RASEF: variants seen among roughly 807,000 people sequenced by gnomAD.
The protein encoded by RASEF is RAS and EF-hand domain containing, also known as ras and EF-hand domain-containing protein.
In RASEF, 68 loss-of-function variants were observed where a neutral mutation model predicts 90.1. That is an observed-to-expected ratio of 0.75 (90% CI 0.62 to 0.92). RASEF has a LOEUF of 0.92. Ranked by LOEUF, RASEF falls within the 40% of genes least tolerant of loss-of-function variation. The pLI is 0.00. For missense variants in RASEF, 949 were observed against 937.2 expected (o/e 1.01, Z -0.16); for synonymous variants, 331 against 345.2 (o/e 0.96, Z 0.46).
At chr9:83,086,393 T>C in the RASEF span, among the ~76,000 whole-genome samples, 2 of 152,212 alleles carry the variant, frequency 1.3e-5, no homozygotes, top group Admixed American at 6.5e-5. Flanking sequence ...AGGTCATCAA[T>C]GTCCTATTCA....
the RASEF span, among the ~76,000 whole-genome samples, chr9:83,170,674 A>G: frequency 6.6e-6 from 1 of 151,656 alleles, no homozygotes; most frequent in Non-Finnish European, 1.5e-5. Flanking sequence ...TTTGGTAGCT[A>G]TTGTACAATA....
At chr9:83,106,260 ATC>A in the RASEF span, among the ~76,000 whole-genome samples, 1 of 152,170 alleles carries the variant, frequency 6.6e-6, no homozygotes, top group Non-Finnish European at 1.5e-5. Flanking sequence ...ACTTGCCCGT[ATC>A]TCTCTGTTTA....
intron 9 of RASEF, 72 bp from the exon 10 acceptor site, chr9:83,001,202 A>G (rs1829033200): frequency 9.8e-6 from 10 of 1,023,432 alleles, no homozygotes; most frequent in Non-Finnish European, 1.3e-5. Flanking sequence ...AATAGACCAC[A>G]TGCCATTAGA....
At chr9:83,099,307 A>G in the RASEF span, among the ~76,000 whole-genome samples, 2 of 152,166 alleles carry the variant, frequency 1.3e-5, no homozygotes, top group African/African-American at 4.8e-5. Context: ...TTTTTCTTCC[A>G]TGATGACTCT....
At chr9:83,100,482 C>T in the RASEF span, among the ~76,000 whole-genome samples, 1 of 152,184 alleles carries the variant, frequency 6.6e-6, no homozygotes, top group Non-Finnish European at 1.5e-5. Flanking sequence ...GCCAGAAATA[C>T]TCTCCACTCT....
chr9:83,177,053 A>G, the RASEF span, among the ~76,000 whole-genome samples: 1 of 152,018 alleles, frequency 6.6e-6, no homozygotes, highest in Non-Finnish European at 1.5e-5. Flanking sequence ...CTGTGCTTTT[A>G]TTAGTAAACA....
At chr9:83,190,816 C>G in the RASEF span, among the ~76,000 whole-genome samples, 2 of 150,506 alleles carry the variant, frequency 1.3e-5, no homozygotes, top group East Asian at 3.9e-4. Flanking sequence ...AAAATCCTCA[C>G]CTGGTTTTGG....
chr9:83,145,702 A>C, the RASEF span, among the ~76,000 whole-genome samples: 1 of 152,072 alleles, frequency 6.6e-6, no homozygotes, highest in Non-Finnish European at 1.5e-5. Flanking sequence ...AAAATAAAGA[A>C]GAGAGAAAAT....
chr9:83,016,736 G>A (rs1829348927), intron 3 of RASEF, among the ~76,000 whole-genome samples: 1 of 152,062 alleles, frequency 6.6e-6, no homozygotes, highest in South Asian at 2.1e-4. Flanking sequence ...ACAGGGAGAT[G>A]TGACAGGAAG....
chr9:83,174,592 T>C, the RASEF span, among the ~76,000 whole-genome samples: 17 of 152,192 alleles, frequency 1.1e-4, no homozygotes, highest in Non-Finnish European at 2.2e-4. Flanking sequence ...TCTCCAACTT[T>C]GTTATTCTTT....
the RASEF span, among the ~76,000 whole-genome samples, chr9:83,209,176 C>T: frequency 0.011 from 1,611 of 152,286 alleles, 24 homozygotes; most frequent in African/African-American, 0.035. Context: ...AATGAGGTAA[C>T]GCCTGAAGGC....
chr9:83,142,807 G>A, the RASEF span, among the ~76,000 whole-genome samples: 1 of 152,152 alleles, frequency 6.6e-6, no homozygotes, highest in Non-Finnish European at 1.5e-5. Flanking sequence ...TAAAAATAAA[G>A]GAGTTTATCA....
At chr9:83,142,710 G>A in the RASEF span, among the ~76,000 whole-genome samples, 1 of 152,192 alleles carries the variant, frequency 6.6e-6, no homozygotes, top group Non-Finnish European at 1.5e-5. Flanking sequence ...TTTCAAGGAT[G>A]GGAACCTGTG....
At position 83,045,432 on chromosome 9, in the gene RASEF, C is replaced by A. The variant is rs140085216; in HGVS notation, c.431+17005G>T. ...GTCACTTCCCAAGGCTCCAAGTGCT[C>A]AGCTATCCCATCATATTTTCATTTT... On this transcript the variant is annotated intron_variant, in intron 1 of 16. Transcript: ENST00000376447. Among the ~76,000 whole-genome samples, 19 of 152,326 alleles carry A rather than the reference C, an allele frequency of 1.2e-4. No individual in the cohort carries two copies. In the East Asian group the frequency reaches 3.7e-3, roughly 29 times the overall value.
chr9:83,004,831 A>C (rs1829099972), intron 8 of RASEF, among the ~76,000 whole-genome samples: 1 of 152,182 alleles, frequency 6.6e-6, no homozygotes, highest in Non-Finnish European at 1.5e-5. Context: ...ACCCTACTGC[A>C]TATTCCATAA....
Position 82,981,338 on chromosome 9 carries a change from G to A in RASEF, c.*1339C>T, listed in dbSNP as rs1394993980. ...GCCCAACCAGGTCACTGGTGATGATGAGCCACTAGTCACATTAAACAAAGG... is the reference window on the plus strand; with the variant it reads ...GCCCAACCAGGTCACTGGTGATGATAAGCCACTAGTCACATTAAACAAAGG... On this transcript the variant is annotated 3_prime_UTR_variant, in exon 17 of 17. Coordinates refer to ENST00000376447, the MANE Select transcript of RASEF (RefSeq NM_152573.4). 3 of 152,146 alleles carry A rather than the reference G, an allele frequency of 2.0e-5. No individual in the cohort carries two copies. The highest frequency in any genetic ancestry group is 4.8e-5 in the African/African-American group (2 of 41,418). The allele number at this position is 152,146 out of a possible 1,614,324, so 9.4% of individuals were successfully genotyped here.
the RASEF span, among the ~76,000 whole-genome samples, chr9:83,135,260 C>A: frequency 3.3e-5 from 5 of 151,986 alleles, no homozygotes; most frequent in Non-Finnish European, 7.4e-5. Context: ...AAAAACCAAA[C>A]ACTGCATGTT....
chr9:83,020,784 AGATATGAT>A (rs1829429503), intron 3 of RASEF, among the ~76,000 whole-genome samples: 1 of 152,222 alleles, frequency 6.6e-6, no homozygotes, highest in Admixed American at 6.5e-5. Flanking sequence ...AGAAGCAATG[AGATATGAT>A]GACAGAATAA....
At chr9:83,137,771 G>C in the RASEF span, among the ~76,000 whole-genome samples, 1 of 142,362 alleles carries the variant, frequency 7.0e-6, no homozygotes, top group African/African-American at 2.7e-5. Flanking sequence ...TCAGCCACAA[G>C]GGATTTTTAT....
Sources: allele counts gnomAD v4.1 joint callset (sites outside exome capture counted in the v4.1 genomes callset), GRCh38; gene constraint gnomAD v4.1.1; transcripts MANE v1.5; gene names NCBI Gene and HGNC (gene_info 2026-07-23, HGNC 2026-07-21).